The following ACSM4 variants were observed in gnomAD, a reference collection of about 807,000 sequenced individuals.
The protein encoded by ACSM4 is acyl-coenzyme A synthetase ACSM4, mitochondrial.
In ACSM4, 66 loss-of-function variants were observed where a neutral mutation model predicts 73.0. The observed-to-expected ratio is 0.90, with a 90% CI of 0.74 to 1.11. The LOEUF (loss-of-function observed/expected upper bound fraction) is 1.11. Among genes scored for constraint, ACSM4 ranks in the 50% least tolerant of loss-of-function variants. ACSM4 has a pLI of 0.00. For synonymous variants in ACSM4, 222 were observed against 254.0 expected, an observed-to-expected ratio of 0.87 and a Z score of 1.20; for missense variants, 645 against 714.4, an observed-to-expected ratio of 0.90 and a Z score of 1.11.
chr12:7,310,238 C>T (rs2136329399), intron 2 of ACSM4, among the ~76,000 whole-genome samples: 1 of 152,296 alleles, frequency 6.6e-6, no homozygotes, highest in Admixed American at 6.5e-5. Context: ...TCTGCTCAGA[C>T]ACTTACTGTT....
Position 7,318,120 on chromosome 12 carries a change from C to T in ACSM4, c.859C>T (p.Leu287=). ...CATTGGCAGTGTGTTTTCTTCCTGGCTGTGTGGAGCCTGTGTTTTTGTGCA... is the reference window on the plus strand; with the variant it reads ...CATTGGCAGTGTGTTTTCTTCCTGGTTGTGTGGAGCCTGTGTTTTTGTGCA... ...AAIGSVFSSW[L]CGACVFVHRM... The change falls in exon 5 of 13, where the codon CTG becomes TTG. Residue 287 remains leucine, a synonymous_variant. Transcript: ENST00000399422. 6.2e-7 allele frequency: 1 copy of T among 1,613,802 alleles called. No individual in the cohort carries two copies. The highest frequency in any genetic ancestry group is 8.5e-7 in the Non-Finnish European group (1 of 1,179,822).
In ACSM4 at chr12:7,328,403, T is replaced by C; in HGVS notation, c.*30T>C. 4.0e-6 allele frequency: 6 copies of C among 1,485,346 alleles called. No individual in the cohort carries two copies. The Admixed American group carries it at 6.2e-5, about 15-fold the overall frequency. 92.0% of individuals were successfully genotyped at this position (1,485,346 alleles called of 1,614,324 possible). ...ATAACAAAGCTGAAGGGTTAAGCAGTAATATGGTTGCTTTCTTTTAGTATT... is the reference window on the plus strand; with the variant it reads ...ATAACAAAGCTGAAGGGTTAAGCAGCAATATGGTTGCTTTCTTTTAGTATT... On this transcript the variant is annotated 3_prime_UTR_variant, in exon 13 of 13. Coordinates refer to ENST00000399422, the MANE Select transcript of ACSM4 (RefSeq NM_001080454.2).
At chr12:7,322,673 A>C (rs1946473412) in intron 7 of ACSM4, 132 bp downstream of exon 7, 14 of 1,164,136 alleles carry the variant, frequency 1.2e-5, no homozygotes, top group African/African-American at 3.1e-5. Context: ...TCACCTTGCC[A>C]GTAGTTACCA....
At chr12:7,312,462 T>C (rs1946396550) in intron 3 of ACSM4, among the ~76,000 whole-genome samples, 1 of 152,180 alleles carries the variant, frequency 6.6e-6, no homozygotes, top group Non-Finnish European at 1.5e-5. Context: ...AAAAAATTCT[T>C]CCAGAGAAGT....
chr12:7,327,241 T>C (rs902446813), intron 12 of ACSM4, 146 bp downstream of exon 12: 2 of 1,020,814 alleles, frequency 2.0e-6, no homozygotes, highest in South Asian at 1.8e-5. Context: ...AGAATTTTGC[T>C]TTAAAATGTT....
chr12:7,312,615 T>C (rs2136330502), intron 3 of ACSM4, among the ~76,000 whole-genome samples: 1 of 152,340 alleles, frequency 6.6e-6, no homozygotes, highest in East Asian at 1.9e-4. Context: ...TGCTTGTGTC[T>C]TTTATAAGCT....
chr12:7,311,904 G>A (rs1311149380), intron 3 of ACSM4, among the ~76,000 whole-genome samples: 1 of 152,152 alleles, frequency 6.6e-6, no homozygotes, highest in Non-Finnish European at 1.5e-5. Context: ...TGGTTAGACT[G>A]GTCTCGAACT....
rs1188233380 is a variant in ACSM4 at position 7,323,231 on chromosome 12, T to C, written c.1126-3T>C. On this transcript the variant is annotated splice_region_variant and splice_polypyrimidine_tract_variant and intron_variant, in intron 7 of 12. Coordinates refer to ENST00000399422, the MANE Select transcript of ACSM4 (RefSeq NM_001080454.2). Reference sequence around the variant, plus strand: ...ACTTATACAAAGCTTGTCCTCTCAATAGGGAATGATTTGTGCCAATCAGAA... The same window carrying C: ...ACTTATACAAAGCTTGTCCTCTCAACAGGGAATGATTTGTGCCAATCAGAA... 2 of 1,605,114 alleles carry C rather than the reference T, an allele frequency of 1.2e-6. No individual in the cohort carries two copies. Among genetic ancestry groups the C allele is most frequent in the Non-Finnish European group, 1.7e-6 (2 of 1,175,700 alleles).
chr12:7,313,345 G>A (rs7294678), intron 3 of ACSM4, among the ~76,000 whole-genome samples: 26,147 of 152,156 alleles, frequency 0.17, 2,379 homozygotes, highest in South Asian at 0.3. Context: ...ACTTTGGAGT[G>A]TCATAACTCC....
chr12:7,320,954 G>T (rs1041951634), intron 6 of ACSM4, 150 bp downstream of exon 6: 7 of 727,698 alleles, frequency 9.6e-6, no homozygotes, highest in Middle Eastern at 2.4e-4. Context: ...TCGGAGGACG[G>T]TCGTATGCAT....
At chr12:7,319,421 C>G (rs1467860941) in intron 5 of ACSM4, among the ~76,000 whole-genome samples, 1 of 151,898 alleles carries the variant, frequency 6.6e-6, no homozygotes, top group Non-Finnish European at 1.5e-5. Context: ...GAAACCTCGT[C>G]TCTACTAAAA....
intron 5 of ACSM4, among the ~76,000 whole-genome samples, chr12:7,319,718 A>G (rs1946445826): frequency 6.6e-6 from 1 of 152,074 alleles, no homozygotes; most frequent in Admixed American, 6.5e-5. Flanking sequence ...TGGGTTGGGG[A>G]TCCCTGGTTA....
At position 7,306,531 on chromosome 12, in the gene ACSM4, AGACAGGG is replaced by A. The variant is rs1251745953; in HGVS notation, c.203_209del (p.Thr68ArgfsTer11). The A allele has an allele frequency of 6.3e-7, 1 of 1,586,304 alleles. No individual in the cohort carries two copies. The highest frequency in any genetic ancestry group is 8.6e-7 in the Non-Finnish European group (1 of 1,166,492). ...CTCTCTTTTCCATGTGTCCCTGGTC[AGACAGGG>A]GAGAGACCAGCTAACCCAGCCCTGT... On this transcript the variant is annotated splice_acceptor_variant and coding_sequence_variant, in exon 2 of 13. Coordinates refer to ENST00000399422, the MANE Select transcript of ACSM4 (RefSeq NM_001080454.2). LOFTEE classifies it high-confidence loss of function.
chr12:7,309,733 T>C lies in ACSM4; in HGVS notation c.413-806T>C, dbSNP rs757989038. 4.3e-4 allele frequency among the ~76,000 whole-genome samples: 65 copies of C among 152,148 alleles called. 1 individual carries two copies. Among genetic ancestry groups the C allele is most frequent in the Non-Finnish European group, 1.3e-4 (9 of 68,024 alleles). The stretch of plus-strand genomic sequence containing the variant: ...TTTTTCGAATTTCTATTTTCATTTC[T>C]TAGTCCCAATGGATTGTTGAAAAAC... On this transcript the variant is annotated intron_variant, in intron 2 of 12. Transcript: ENST00000399422.
Position 7,321,061 on chromosome 12 carries a change from G to A in ACSM4, c.1001+257G>A, listed in dbSNP as rs1037682548. On this transcript the variant is annotated intron_variant, in intron 6 of 12. Transcript: ENST00000399422. The stretch of plus-strand genomic sequence containing the variant: ...ATCAAAAATGTCCCTAGACACTGCC[G>A]AATGTCTTCTGGGGGGCAAAACTGT... 3.9e-5 allele frequency among the ~76,000 whole-genome samples: 6 copies of A among 152,072 alleles called. 1 individual carries two copies. The highest frequency in any genetic ancestry group is 2.6e-4 in the Admixed American group (4 of 15,258).
intron 5 of ACSM4, among the ~76,000 whole-genome samples, chr12:7,320,022 T>C (rs1051193475): frequency 2.6e-5 from 4 of 152,206 alleles, no homozygotes; most frequent in African/African-American, 9.6e-5. Flanking sequence ...TCATACTTTA[T>C]CTGTGACAAT....
Position 7,327,055 on chromosome 12 carries a change from A to G in ACSM4, c.1616A>G (p.His539Arg). ...AAATTAACTCTTGAACTTCAGGATC[A>G]TGTGAAAAAATCAACTGCACCTTAC... ...PEKLTLELQD[H>R]VKKSTAPYKY... is the part of the protein sequence containing the mutation. Residue 539 changes from histidine to arginine, a missense_variant, in exon 12 of 13, where the codon CAT becomes CGT. By Grantham distance (29) the His-to-Arg change is conservative (BLOSUM62 0). Coordinates refer to ENST00000399422, the MANE Select transcript of ACSM4 (RefSeq NM_001080454.2). The G allele has an allele frequency of 6.2e-7, 1 of 1,611,418 alleles. No homozygotes were observed. The highest frequency in any genetic ancestry group is 8.5e-7 in the Non-Finnish European group (1 of 1,178,854).
chr12:7,320,276 C>A (rs1247328652), intron 5 of ACSM4, among the ~76,000 whole-genome samples: 1 of 152,146 alleles, frequency 6.6e-6, no homozygotes, highest in East Asian at 1.9e-4. Context: ...TACATTTATT[C>A]AACTTACTGA....
chr12:7,318,281 C>G (rs1451472579), intron 5 of ACSM4, 99 bp downstream of exon 5: 3 of 1,459,234 alleles, frequency 2.1e-6, no homozygotes, highest in Non-Finnish European at 1.8e-6. Flanking sequence ...GCTTCTTGGG[C>G]TTTTGGAAAT....
Sources: gnomAD v4.1 joint callset for allele counts (sites outside exome capture counted in the v4.1 genomes callset) on GRCh38, gnomAD v4.1.1 for gene constraint, MANE v1.5 for transcripts, NCBI Gene and HGNC (gene_info 2026-07-23, HGNC 2026-07-21) for gene names.